QTMAN: variants seen among roughly 807,000 people sequenced by gnomAD.
QTMAN encodes tRNA-queuosine alpha-mannosyltransferase.
the QTMAN span, among the ~76,000 whole-genome samples, chr2:144,080,262 T>C: frequency 6.6e-6 from 1 of 152,266 alleles, no homozygotes; most frequent in South Asian, 2.1e-4. Flanking sequence ...TTTTAGAGTG[T>C]ACAATTAAAT....
At chr2:144,019,243 T>C in the QTMAN span, among the ~76,000 whole-genome samples, 2 of 152,194 alleles carry the variant, frequency 1.3e-5, no homozygotes, top group Admixed American at 1.3e-4. Flanking sequence ...CAATCCTCCC[T>C]TGCCTTTTCA....
At chr2:144,048,991 G>A in the QTMAN span, among the ~76,000 whole-genome samples, 1 of 152,106 alleles carries the variant, frequency 6.6e-6, no homozygotes. Context: ...TCCTGGCATT[G>A]GGCAACACAT....
chr2:144,261,168 C>T, the QTMAN span, among the ~76,000 whole-genome samples: 1 of 152,172 alleles, frequency 6.6e-6, no homozygotes, highest in African/African-American at 2.4e-5. Context: ...GCCTTCTTAG[C>T]ATATTTTTCC....
the QTMAN span, among the ~76,000 whole-genome samples, chr2:144,285,620 G>T: frequency 6.6e-6 from 1 of 152,100 alleles, no homozygotes; most frequent in Non-Finnish European, 1.5e-5. Context: ...GCTGGGTTTT[G>T]CCATTTTAAC....
the QTMAN span, among the ~76,000 whole-genome samples, chr2:144,141,598 A>G: frequency 6.6e-6 from 1 of 150,654 alleles, no homozygotes; most frequent in African/African-American, 2.4e-5. Context: ...CAAAAAAAAA[A>G]AAAAGAAAGA....
the QTMAN span, among the ~76,000 whole-genome samples, chr2:144,063,162 C>T: frequency 5.9e-5 from 9 of 152,072 alleles, no homozygotes; most frequent in Non-Finnish European, 4.4e-5. Context: ...AAAAACTAAC[C>T]CTGAGAGAAA....
At chr2:144,221,118 C>T in the QTMAN span, among the ~76,000 whole-genome samples, 1 of 152,154 alleles carries the variant, frequency 6.6e-6, no homozygotes, top group African/African-American at 2.4e-5. Flanking sequence ...AAGGACTGTT[C>T]TCATGTCTCC....
the QTMAN span, among the ~76,000 whole-genome samples, chr2:143,947,943 A>AGAGACT: frequency 1.2e-4 from 18 of 152,084 alleles, no homozygotes; most frequent in Non-Finnish European, 1.9e-4. Flanking sequence ...AGAAAGAGTG[A>AGAGACT]GAGACTGAGA....
the QTMAN span, among the ~76,000 whole-genome samples, chr2:143,981,335 ATGTT>A: frequency 2.0e-5 from 3 of 151,910 alleles, no homozygotes; most frequent in African/African-American, 7.3e-5. Flanking sequence ...ATGAAGAACC[ATGTT>A]TTTTTTTTTC....
At chr2:144,023,426 GA>G in the QTMAN span, among the ~76,000 whole-genome samples, 1 of 152,168 alleles carries the variant, frequency 6.6e-6, no homozygotes, top group Non-Finnish European at 1.5e-5. Context: ...GCTCTTATGG[GA>G]AAAATAATTA....
At chr2:143,995,846 T>G in the QTMAN span, among the ~76,000 whole-genome samples, 1 of 152,168 alleles carries the variant, frequency 6.6e-6, no homozygotes, top group Non-Finnish European at 1.5e-5. Flanking sequence ...AGCTTCCAAC[T>G]TGAAATCTCC....
chr2:144,256,669 G>A, the QTMAN span, among the ~76,000 whole-genome samples: 33 of 152,206 alleles, frequency 2.2e-4, no homozygotes, highest in Non-Finnish European at 3.2e-4. Flanking sequence ...ATAGACACAG[G>A]GAGGGGAACA....
chr2:143,997,279 T>C, the QTMAN span, among the ~76,000 whole-genome samples: 1 of 152,146 alleles, frequency 6.6e-6, no homozygotes, highest in Non-Finnish European at 1.5e-5. Context: ...ATAAAAACTT[T>C]CAACGAATGT....
chr2:143,987,399 A>G, the QTMAN span, among the ~76,000 whole-genome samples: 6 of 152,348 alleles, frequency 3.9e-5, no homozygotes, highest in East Asian at 7.7e-4. Flanking sequence ...CCTTTGCAAC[A>G]TATGTGGCTC....
the QTMAN span, among the ~76,000 whole-genome samples, chr2:144,110,264 C>T: frequency 6.6e-6 from 1 of 152,062 alleles, no homozygotes. Context: ...AGCTGGAAAC[C>T]ATCATTCTCA....
At chr2:144,112,578 T>C in the QTMAN span, among the ~76,000 whole-genome samples, 1 of 152,188 alleles carries the variant, frequency 6.6e-6, no homozygotes, top group Non-Finnish European at 1.5e-5. Flanking sequence ...CTTTAGTTAT[T>C]ATCTAAACAC....
At chr2:144,230,855 T>G in the QTMAN span, among the ~76,000 whole-genome samples, 8 of 152,160 alleles carry the variant, frequency 5.3e-5, no homozygotes, top group Admixed American at 5.2e-4. Flanking sequence ...AAAAAAAACC[T>G]GTTCTCATGC....
At chr2:144,027,784 T>A in the QTMAN span, among the ~76,000 whole-genome samples, 1 of 152,226 alleles carries the variant, frequency 6.6e-6, no homozygotes, top group Admixed American at 6.5e-5. Context: ...AGCACAGATG[T>A]GCACAAGAAT....
chr2:144,186,713 A>C, the QTMAN span, among the ~76,000 whole-genome samples: 1 of 152,142 alleles, frequency 6.6e-6, no homozygotes, highest in African/African-American at 2.4e-5. Flanking sequence ...TTGTGTTTAA[A>C]TTATTTCAAA....
Sources: allele counts gnomAD v4.1 joint callset (sites outside exome capture counted in the v4.1 genomes callset), GRCh38; gene constraint gnomAD v4.1.1; transcripts MANE v1.5; gene names NCBI Gene and HGNC (gene_info 2026-07-23, HGNC 2026-07-21).